Variants in DPY30 observed in about 807,000 individuals in gnomAD.
DPY30 encodes protein dpy-30 homolog.
A neutral mutation model predicts 16.2 loss-of-function variants in DPY30; 6 were observed. The ratio of observed to expected loss-of-function variants is 0.37; its 90% CI spans 0.20 to 0.73. The LOEUF (loss-of-function observed/expected upper bound fraction) is 0.73, where lower values mean the gene tolerates loss of function less well. Among genes scored for constraint, DPY30 ranks in the 30% least tolerant of loss-of-function variants. DPY30 has a pLI of 0.51. For synonymous variants in DPY30, 39 were observed against 38.8 expected (o/e 1.00, Z -0.02); for missense variants, 73 against 113.1 (o/e 0.65, Z 1.61).
intron 3 of DPY30, among the ~76,000 whole-genome samples, chr2:32,033,602 G>A (rs550300189): frequency 2.0e-4 from 30 of 151,192 alleles, no homozygotes; most frequent in African/African-American, 6.3e-4. Context: ...AACCTGGGAG[G>A]CGGAGGTTGC....
intron 3 of DPY30, among the ~76,000 whole-genome samples, chr2:32,032,068 T>A (rs1249004444): frequency 6.6e-6 from 1 of 152,082 alleles, no homozygotes; most frequent in East Asian, 1.9e-4. Context: ...TACTTTTAAT[T>A]TTATTTTGGT....
Position 32,024,057 on chromosome 2 carries a change from A to G in DPY30, c.*127T>C, listed in dbSNP as rs1675246167. Reference sequence around the variant, plus strand: ...AATATGTTATCTTCTGCAATTCCAGAAATAGGTTCTGTTGTCCGGAAGGTT... The same window carrying G: ...AATATGTTATCTTCTGCAATTCCAGGAATAGGTTCTGTTGTCCGGAAGGTT... On this transcript the variant is annotated 3_prime_UTR_variant, in exon 5 of 5. Coordinates refer to ENST00000342166, the MANE Select transcript of DPY30 (RefSeq NM_001321209.2). 1.1e-5 allele frequency: 17 copies of G among 1,501,060 alleles called. No homozygotes were observed. The highest frequency in any genetic ancestry group is 1.4e-5 in the Non-Finnish European group (16 of 1,132,918). 93.0% of individuals were successfully genotyped at this position (1,501,060 alleles called of 1,614,324 possible).
At position 32,029,170 on chromosome 2, in the gene DPY30, G is replaced by A. The variant is rs185763886; in HGVS notation, c.227+424C>T. Among the ~76,000 whole-genome samples the A allele has an allele frequency of 9.7e-3, 1,475 of 152,114 alleles. 26 individuals carry two copies. Among genetic ancestry groups the A allele is most frequent in the South Asian group, 0.048 (230 of 4,814 alleles). ...GCCTGTAGTCCCAGCTACCCGGGAG[G>A]CTGAGACACAAGAATCACTTGAAAC... On this transcript the variant is annotated intron_variant, in intron 4 of 4. Coordinates refer to ENST00000342166, the MANE Select transcript of DPY30 (RefSeq NM_001321209.2).
At chr2:32,034,713 AAT>A (rs1675670979) in intron 3 of DPY30, among the ~76,000 whole-genome samples, 1 of 152,158 alleles carries the variant, frequency 6.6e-6, no homozygotes, top group South Asian at 2.1e-4. Context: ...AAAATCTCAT[AAT>A]ACGCTGGCCA....
At chr2:32,020,613 A>C (rs986355530), downstream of DPY30, among the ~76,000 whole-genome samples, 1 of 152,140 alleles carries the variant, frequency 6.6e-6, no homozygotes, top group Non-Finnish European at 1.5e-5. Flanking sequence ...TCAGTGATCT[A>C]TAGTTATCTC....
intron 5 of DPY30, among the ~76,000 whole-genome samples, chr2:32,015,453 AATTT>A (rs1248562733): frequency 1.3e-5 from 2 of 152,102 alleles, no homozygotes; most frequent in African/African-American, 4.8e-5. Flanking sequence ...GTAAGATAAA[AATTT>A]ATTCATTTCC....
chr2:32,029,721 C>T lies in DPY30; in HGVS notation c.100G>A (p.Glu34Lys), dbSNP rs759369839. The change falls in exon 4 of 5, where the codon GAG becomes AAG. Residue 34 changes from glutamate to lysine, a missense_variant. Around this residue, in one of 3 missense-constraint regions of DPY30, gnomAD observed 52 missense variants for 71.5 expected, o/e 0.73. Coordinates refer to ENST00000342166, the MANE Select transcript of DPY30 (RefSeq NM_001321209.2). ...TDNVERIVEN[E>K]KINAEKSSKQ... ...GATGACTTTTCTGCATTAATCTTCTCATTTTCTACTATTCTCTAGTGAATT... is the reference window on the plus strand; with the variant it reads ...GATGACTTTTCTGCATTAATCTTCTTATTTTCTACTATTCTCTAGTGAATT... 2 of 1,614,056 alleles carry T rather than the reference C, an allele frequency of 1.2e-6. No homozygotes were observed. The highest frequency in any genetic ancestry group is 8.5e-7 in the Non-Finnish European group (1 of 1,179,988).
intron 3 of DPY30, among the ~76,000 whole-genome samples, chr2:32,035,802 C>A (rs1432356433): frequency 6.6e-6 from 1 of 151,220 alleles, no homozygotes; most frequent in African/African-American, 2.4e-5. Flanking sequence ...GGCATGGTAG[C>A]GGGTGCCTAT....
At chr2:32,022,152 G>A (rs1214834181), downstream of DPY30, among the ~76,000 whole-genome samples, 3 of 151,322 alleles carry the variant, frequency 2.0e-5, no homozygotes, top group African/African-American at 7.3e-5. Context: ...AGAGGTTGCA[G>A]TGAGCCAAGA....
intron 2 of DPY30, 41 bp from the exon 3 acceptor site, chr2:32,039,367 C>A (rs1558595775): frequency 6.2e-7 from 1 of 1,614,026 alleles, no homozygotes. Flanking sequence ...TAAGTCCCCC[C>A]TTTCTCGCTG....
At chr2:32,033,202 G>C (rs185561360) in intron 3 of DPY30, among the ~76,000 whole-genome samples, 1 of 151,960 alleles carries the variant, frequency 6.6e-6, no homozygotes, top group African/African-American at 2.4e-5. Context: ...CAGGCACTCG[G>C]GAGGCTGAGG....
intron 5 of DPY30, among the ~76,000 whole-genome samples, chr2:32,014,039 AGGGAGGGAG>A (rs1236962709): frequency 7.1e-6 from 1 of 140,392 alleles, no homozygotes; most frequent in Non-Finnish European, 1.6e-5. Context: ...AGAGACAGAG[AGGGAGGGAG>A]GGGAGGGAGG....
At position 32,038,135 on chromosome 2, in the gene DPY30, C is replaced by CTTTT. The variant is rs35016868; in HGVS notation, c.84+1140_84+1143dup. ...TTAACTTGTATTGCTCATTTTCTTT[C>CTTTT]TTTTTTTTTTTTTTTTTTTGGACAA... On this transcript the variant is annotated intron_variant, in intron 3 of 4. Coordinates refer to ENST00000342166, the MANE Select transcript of DPY30 (RefSeq NM_001321209.2). 1.3e-4 allele frequency among the ~76,000 whole-genome samples: 14 copies of CTTTT among 108,016 alleles called. No individual in the cohort carries two copies. In the South Asian group the frequency reaches 1.3e-3, roughly 10 times the overall value. 70.9% of individuals were successfully genotyped at this position (108,016 alleles called of 152,430 possible). A position where few individuals can be genotyped will look rare whatever the true frequency, so the allele number is the denominator to read the frequency against.
intron 3 of DPY30, among the ~76,000 whole-genome samples, chr2:32,036,818 G>A (rs1032559167): frequency 5.3e-5 from 8 of 149,730 alleles, no homozygotes; most frequent in South Asian, 2.1e-4. Flanking sequence ...GCAGTGAGCC[G>A]AGATTGCACC....
intron 5 of DPY30, among the ~76,000 whole-genome samples, chr2:32,016,756 G>GT (rs1481246437): frequency 1.3e-5 from 2 of 151,942 alleles, no homozygotes; most frequent in Non-Finnish European, 2.9e-5. Flanking sequence ...AAGGGATACA[G>GT]TAGGTTTTAC....
intron 3 of DPY30, among the ~76,000 whole-genome samples, chr2:32,030,624 A>G (rs745546036): frequency 2.1e-5 from 3 of 143,480 alleles, no homozygotes; most frequent in Non-Finnish European, 4.5e-5. Context: ...AGCGAGACTC[A>G]GTCTCAAAAA....
At chr2:32,035,615 A>C (rs1183014856) in intron 3 of DPY30, among the ~76,000 whole-genome samples, 7 of 151,348 alleles carry the variant, frequency 4.6e-5, no homozygotes, top group Non-Finnish European at 8.8e-5. Context: ...CATTTATAAT[A>C]TATTCTATAA....
downstream of DPY30, among the ~76,000 whole-genome samples, chr2:32,021,720 G>C (rs937306085): frequency 1.3e-5 from 2 of 150,744 alleles, no homozygotes; most frequent in Non-Finnish European, 2.9e-5. Context: ...GTGTCCCATT[G>C]GGTCATGTTC....
chr2:32,025,286 A>C (rs1400611539), intron 4 of DPY30, among the ~76,000 whole-genome samples: 1 of 152,034 alleles, frequency 6.6e-6, no homozygotes, highest in African/African-American at 2.4e-5. Context: ...AACATGGTGA[A>C]ACTCCATCTC....
Sources: allele counts gnomAD v4.1 joint callset (sites outside exome capture counted in the v4.1 genomes callset), GRCh38; gene constraint gnomAD v4.1.1; regional missense constraint gnomAD v4.1.1; transcripts MANE v1.5; gene names NCBI Gene and HGNC (gene_info 2026-07-23, HGNC 2026-07-21).